ATP10B: variants seen among roughly 807,000 people sequenced by gnomAD.
ATP10B encodes phospholipid-transporting ATPase VB.
ATP10B carries 122 observed loss-of-function variants against 141.2 expected under a neutral mutation model. That is an observed-to-expected ratio of 0.86 (90% CI 0.75 to 1.00). The LOEUF (loss-of-function observed/expected upper bound fraction) is 1.00. Ranked by LOEUF, ATP10B falls within the 50% of genes least tolerant of loss-of-function variation. ATP10B has a pLI of 0.00. For missense variants in ATP10B, 1,876 were observed against 1,825.3 expected, an observed-to-expected ratio of 1.03 and a Z score of -0.51; for synonymous variants, 685 against 692.0, an observed-to-expected ratio of 0.99 and a Z score of 0.16.
At chr5:160,922,404 A>G in the ATP10B span, among the ~76,000 whole-genome samples, 1 of 152,358 alleles carries the variant, frequency 6.6e-6, no homozygotes, top group Non-Finnish European at 1.5e-5. Flanking sequence ...GTTAGTGCTC[A>G]GTAAATAGAA....
chr5:160,858,588 A>C, the ATP10B span, among the ~76,000 whole-genome samples: 6 of 151,996 alleles, frequency 3.9e-5, no homozygotes, highest in Non-Finnish European at 5.9e-5. Context: ...TTTAATTGGC[A>C]TAATCACTTG....
At chr5:160,708,689 T>C (rs1000770819) in intron 3 of ATP10B, among the ~76,000 whole-genome samples, 1 of 152,106 alleles carries the variant, frequency 6.6e-6, no homozygotes, top group Non-Finnish European at 1.5e-5. Context: ...GGGTATAAAT[T>C]GAGAAGAGAA....
intron 2 of ATP10B, among the ~76,000 whole-genome samples, chr5:160,741,024 T>C (rs191635243): frequency 6.6e-6 from 1 of 152,334 alleles, no homozygotes; most frequent in Non-Finnish European, 1.5e-5. Context: ...CTATTCAGTA[T>C]ACAAGAATAA....
At chr5:160,895,879 T>C in the ATP10B span, among the ~76,000 whole-genome samples, 12 of 152,252 alleles carry the variant, frequency 7.9e-5, no homozygotes, top group African/African-American at 2.6e-4. Flanking sequence ...AAATTAGAAC[T>C]CAAGATTAAG....
At chr5:160,595,896 A>G (rs1179519286) in intron 22 of ATP10B, among the ~76,000 whole-genome samples, 2 of 151,904 alleles carry the variant, frequency 1.3e-5, no homozygotes, top group East Asian at 1.9e-4. Context: ...TGTGGCAATA[A>G]TCAATAGCTT....
At chr5:160,904,621 A>G in the ATP10B span, among the ~76,000 whole-genome samples, 1 of 152,234 alleles carries the variant, frequency 6.6e-6, no homozygotes, top group Non-Finnish European at 1.5e-5. Context: ...TGCCAACATC[A>G]GCAAGAGTGA....
At chr5:160,829,312 T>C (rs971419567) in intron 1 of ATP10B, among the ~76,000 whole-genome samples, 5 of 152,154 alleles carry the variant, frequency 3.3e-5, no homozygotes, top group Non-Finnish European at 5.9e-5. Flanking sequence ...TTGATGGAGC[T>C]ACATGTCTGT....
chr5:160,606,696 A>T (rs754683159), intron 19 of ATP10B, 69 bp downstream of exon 19: 8 of 1,501,382 alleles, frequency 5.3e-6, no homozygotes, highest in Non-Finnish European at 7.3e-6. Context: ...CTGACCTCCC[A>T]CCTCTGGTCC....
intron 3 of ATP10B, among the ~76,000 whole-genome samples, chr5:160,707,134 A>G (rs1239876989): frequency 3.3e-5 from 5 of 152,076 alleles, no homozygotes. Context: ...TATTTTTAGT[A>G]GAGATGGGGT....
chr5:160,920,795 TGG>T, the ATP10B span, among the ~76,000 whole-genome samples: 1 of 152,166 alleles, frequency 6.6e-6, no homozygotes, highest in East Asian at 1.9e-4. Context: ...CTAAAAACCT[TGG>T]TGGGACTTGA....
At chr5:160,836,170 C>T (rs1465910826) in intron 1 of ATP10B, among the ~76,000 whole-genome samples, 1 of 152,028 alleles carries the variant, frequency 6.6e-6, no homozygotes, top group African/African-American at 2.4e-5. Context: ...TTTGGATACA[C>T]TAAAAGCTGG....
chr5:160,912,215 TGAA>T, the ATP10B span, among the ~76,000 whole-genome samples: 1 of 151,738 alleles, frequency 6.6e-6, no homozygotes, highest in Non-Finnish European at 1.5e-5. Context: ...AATAAAATAA[TGAA>T]GAATAAGTTA....
intron 1 of ATP10B, among the ~76,000 whole-genome samples, chr5:160,802,771 T>A (rs1308242459): frequency 6.6e-6 from 1 of 152,206 alleles, no homozygotes; most frequent in Non-Finnish European, 1.5e-5. Flanking sequence ...GGTTTCAGAC[T>A]TGCAACCGCT....
chr5:160,615,319 T>G (rs1161903602), intron 17 of ATP10B, among the ~76,000 whole-genome samples: 1 of 152,006 alleles, frequency 6.6e-6, no homozygotes, highest in African/African-American at 2.4e-5. Context: ...TTCAGTTCAC[T>G]GCCTTCCTAG....
intron 2 of ATP10B, among the ~76,000 whole-genome samples, chr5:160,740,266 C>T (rs915392300): frequency 6.6e-6 from 1 of 151,970 alleles, no homozygotes; most frequent in Non-Finnish European, 1.5e-5. Context: ...TAATTTTGAC[C>T]AACAATAATT....
intron 24 of ATP10B, among the ~76,000 whole-genome samples, chr5:160,575,678 AAAAAG>A (rs1365159827): frequency 1.3e-5 from 2 of 152,058 alleles, no homozygotes; most frequent in Non-Finnish European, 2.9e-5. Flanking sequence ...TTTTTCTTCT[AAAAAG>A]AAAACAATGG....
At chr5:160,900,908 G>GTGTT in the ATP10B span, among the ~76,000 whole-genome samples, 1 of 88,986 alleles carries the variant, frequency 1.1e-5, no homozygotes, top group Non-Finnish European at 2.1e-5. Context: ...GGGTAGAGAA[G>GTGTT]TTTTTTTTTT....
At chr5:160,763,442 C>T (rs11952862) in intron 2 of ATP10B, among the ~76,000 whole-genome samples, 1 of 151,872 alleles carries the variant, frequency 6.6e-6, no homozygotes, top group Non-Finnish European at 1.5e-5. Context: ...TGGAAATTAA[C>T]AATCTGCTCC....
chr5:160,569,672 G>A lies in ATP10B; in HGVS notation c.3762C>T (p.His1254=), dbSNP rs746543085. 57 of 1,572,180 alleles carry A rather than the reference G, an allele frequency of 3.6e-5. No individual in the cohort carries two copies. Among genetic ancestry groups the A allele is most frequent in the African/African-American group, 2.0e-4 (15 of 73,346 alleles). The change falls in exon 25 of 26, where the codon CAC becomes CAT. Residue 1254 remains histidine (H), a synonymous_variant. Transcript: ENST00000327245. ...AMEMKTWTIF[H]GVVLLGSFLM... is the part of the protein sequence containing the mutation. ...GGAAGCTGCCGAGGAGCACGACTCC[G>A]TGGAAAATGGTCTGTGGAGGGAAAT... is the stretch of plus-strand genomic sequence containing the variant.
Sources: gnomAD v4.1 joint callset for allele counts (sites outside exome capture counted in the v4.1 genomes callset) on GRCh38, gnomAD v4.1.1 for gene constraint, MANE v1.5 for transcripts, NCBI Gene and HGNC (gene_info 2026-07-23, HGNC 2026-07-21) for gene names.